SH3RF1: variants seen among roughly 807,000 people sequenced by gnomAD.
SH3RF1 encodes SH3 domain containing ring finger 1, also known as E3 ubiquitin-protein ligase SH3RF1.
In SH3RF1, 32 loss-of-function variants were observed where a neutral mutation model predicts 74.0. The ratio of observed to expected loss-of-function variants is 0.43; its 90% CI spans 0.33 to 0.58. The LOEUF (loss-of-function observed/expected upper bound fraction) is 0.58. Ranked by LOEUF, SH3RF1 falls within the 20% of genes least tolerant of loss-of-function variation. The pLI, the probability that SH3RF1 is intolerant of heterozygous loss-of-function variation, is 0.05. For missense variants in SH3RF1, 954 were observed against 1,130.9 expected, an observed-to-expected ratio of 0.84 and a Z score of 2.24; for synonymous variants, 396 against 439.6, an observed-to-expected ratio of 0.90 and a Z score of 1.24.
At chr4:169,216,774 T>C (rs1182252199) in intron 2 of SH3RF1, among the ~76,000 whole-genome samples, 2 of 152,180 alleles carry the variant, frequency 1.3e-5, no homozygotes, top group African/African-American at 4.8e-5. Flanking sequence ...TGATATTTCA[T>C]TTTTCAACAT....
rs28452545 is a variant in SH3RF1, at chr4:169,232,440, C to T, written c.393+36380G>A. On this transcript the variant is annotated intron_variant, in intron 2 of 11. Coordinates refer to ENST00000284637, the MANE Select transcript of SH3RF1 (RefSeq NM_020870.4). ...TTATTCATTTGTAATGGATATGAAA[C>T]GGAACTTCAAAAAGATCACAAGACT... is the stretch of plus-strand genomic sequence containing the variant. Among the ~76,000 whole-genome samples, 369 of 152,186 alleles carry T rather than the reference C, an allele frequency of 2.4e-3. 1 individual carries two copies. Among genetic ancestry groups the T allele is most frequent in the African/African-American group, 8.1e-3 (337 of 41,524 alleles).
chr4:169,180,952 C>G (rs1734500176), intron 2 of SH3RF1, among the ~76,000 whole-genome samples: 1 of 152,182 alleles, frequency 6.6e-6, no homozygotes, highest in Non-Finnish European at 1.5e-5. Context: ...AGGGTTTCAC[C>G]TGCCAGCAAC....
intron 2 of SH3RF1, among the ~76,000 whole-genome samples, chr4:169,245,202 C>A (rs1225610649): frequency 1.3e-5 from 2 of 152,250 alleles, no homozygotes; most frequent in East Asian, 3.9e-4. Flanking sequence ...TTATTAAATA[C>A]AACTTTAACG....
chr4:169,170,767 C>T (rs1353931154), intron 2 of SH3RF1, among the ~76,000 whole-genome samples: 1 of 152,194 alleles, frequency 6.6e-6, no homozygotes, highest in Non-Finnish European at 1.5e-5. Flanking sequence ...CCTGTCTGAT[C>T]TAATCTGTCT....
At position 169,130,161 on chromosome 4, in the gene SH3RF1, C is replaced by A. The variant is rs571391939; in HGVS notation, c.1069-5G>T. 1.3e-6 allele frequency: 2 copies of A among 1,535,202 alleles called. No homozygotes were observed. Among genetic ancestry groups the A allele is most frequent in the Non-Finnish European group, 8.7e-7 (1 of 1,148,668 alleles). On this transcript the variant is annotated splice_polypyrimidine_tract_variant and splice_region_variant and intron_variant, in intron 5 of 11. Coordinates refer to ENST00000284637, the MANE Select transcript of SH3RF1 (RefSeq NM_020870.4). ...CCCGGTGGTACTTATATGAACCTGC[C>A]GAGAAAAGAAAAGTTATTAAAAAGA...
chr4:169,131,341 G>C (rs547894568), intron 5 of SH3RF1, among the ~76,000 whole-genome samples: 1 of 152,268 alleles, frequency 6.6e-6, no homozygotes, highest in South Asian at 2.1e-4. Flanking sequence ...ACTAAAAAGA[G>C]TTTCTCCCCA....
chr4:169,108,362 T>C (rs1163181794), intron 10 of SH3RF1, among the ~76,000 whole-genome samples: 1 of 152,150 alleles, frequency 6.6e-6, no homozygotes, highest in Non-Finnish European at 1.5e-5. Flanking sequence ...CTTGGGAAAA[T>C]GAATCTAAAT....
chr4:169,181,089 C>T (rs151209504), intron 2 of SH3RF1, among the ~76,000 whole-genome samples: 20 of 152,084 alleles, frequency 1.3e-4, no homozygotes, highest in East Asian at 1.2e-3. Context: ...ATATAAAATT[C>T]GAATGTTCTT....
intron 8 of SH3RF1, among the ~76,000 whole-genome samples, chr4:169,118,404 C>G (rs17544115): frequency 0.031 from 4,786 of 152,288 alleles, 108 homozygotes; most frequent in Non-Finnish European, 0.045. Flanking sequence ...TGTTTCTAAA[C>G]TCCACAATTG....
intron 2 of SH3RF1, among the ~76,000 whole-genome samples, chr4:169,211,048 A>AT (rs1491403031): frequency 2.0e-5 from 3 of 152,168 alleles, no homozygotes; most frequent in Admixed American, 2.0e-4. Flanking sequence ...TCCTCAAAAC[A>AT]TATTTATTTT....
chr4:169,224,437 C>T (rs1730623491), intron 2 of SH3RF1, among the ~76,000 whole-genome samples: 2 of 152,036 alleles, frequency 1.3e-5, no homozygotes, highest in African/African-American at 4.8e-5. Context: ...CCTGCCTTAG[C>T]CTCCCAAGTA....
At chr4:169,162,630 T>C (rs1199569404) in intron 2 of SH3RF1, among the ~76,000 whole-genome samples, 1 of 152,230 alleles carries the variant, frequency 6.6e-6, no homozygotes, top group African/African-American at 2.4e-5. Context: ...ACTTTGAGGA[T>C]GGCAGCTGCA....
In SH3RF1 at chr4:169,156,499, T is replaced by C; in HGVS notation, c.574A>G (p.Lys192Glu). 1 of 1,614,110 alleles carries C rather than the reference T, an allele frequency of 6.2e-7. No individual in the cohort carries two copies. The highest frequency in any genetic ancestry group is 1.1e-5 in the South Asian group (1 of 91,074). ...TGAGGTGGGGGCTGAGGTAACGGTT[T>C]AATAATCTGCACAAAGTTGGTGGGG... is the stretch of plus-strand genomic sequence containing the variant. ...FFPTNFVQII[K>E]PLPQPPPQCK... The change falls in exon 3 of 12, where the codon AAA becomes GAA. Residue 192 changes from lysine to glutamate, a missense_variant. By Grantham distance (56) the Lys-to-Glu change is moderately conservative (BLOSUM62 1). This residue lies in a region of SH3RF1 where 854 missense variants were observed against 962.5 expected (regional missense o/e 0.89). Coordinates refer to ENST00000284637, the MANE Select transcript of SH3RF1 (RefSeq NM_020870.4).
chr4:169,190,596 A>G (rs998318504), intron 2 of SH3RF1, among the ~76,000 whole-genome samples: 11 of 152,200 alleles, frequency 7.2e-5, no homozygotes, highest in Admixed American at 1.3e-4. Flanking sequence ...ACCAAAAAAA[A>G]AAAAGTCCAG....
chr4:169,126,591 T>C (rs1733528939), intron 6 of SH3RF1, among the ~76,000 whole-genome samples: 1 of 152,020 alleles, frequency 6.6e-6, no homozygotes, highest in Non-Finnish European at 1.5e-5. Context: ...TTTTATTATT[T>C]TTATTTTTGT....
intron 10 of SH3RF1, among the ~76,000 whole-genome samples, chr4:169,110,256 G>C (rs1019173116): frequency 6.6e-6 from 1 of 151,524 alleles, no homozygotes; most frequent in South Asian, 2.1e-4. Flanking sequence ...TTTAGTCCCA[G>C]CTGGGAGGAT....
rs547615698 is a variant in SH3RF1 at position 169,123,748 on chromosome 4, C to T, written c.1180-1482G>A. Among the ~76,000 whole-genome samples the T allele has an allele frequency of 3.3e-4, 50 of 152,170 alleles. 1 individual carries two copies. The South Asian group carries it at 7.5e-3, about 23-fold the overall frequency. ...CTACTAAAAATACAAAAAAATTAGC[C>T]GGGTGTGATGGCGGGTGCCAGTAGT... On this transcript the variant is annotated intron_variant, in intron 6 of 11. Coordinates refer to ENST00000284637, the MANE Select transcript of SH3RF1 (RefSeq NM_020870.4).
intron 2 of SH3RF1, among the ~76,000 whole-genome samples, chr4:169,233,186 T>A (rs762329258): frequency 9.9e-5 from 14 of 142,046 alleles, no homozygotes; most frequent in Non-Finnish European, 1.9e-4. Flanking sequence ...GAGGCAGAGG[T>A]TGCAGTGAGC....
chr4:169,192,427 C>T (rs549432471), intron 2 of SH3RF1, among the ~76,000 whole-genome samples: 63 of 151,876 alleles, frequency 4.1e-4, no homozygotes, highest in African/African-American at 1.5e-3. Context: ...AAATGAAAAC[C>T]ATAATGCGAT....
Sources: allele counts gnomAD v4.1 joint callset (sites outside exome capture counted in the v4.1 genomes callset), GRCh38; gene constraint gnomAD v4.1.1; regional missense constraint gnomAD v4.1.1; transcripts MANE v1.5; gene names NCBI Gene and HGNC (gene_info 2026-07-23, HGNC 2026-07-21).